Variants in PDIA4 observed in about 807,000 individuals in gnomAD.
The protein encoded by PDIA4 is protein disulfide-isomerase A4.
PDIA4 carries 33 observed loss-of-function variants against 62.1 expected under a neutral mutation model. The ratio of observed to expected loss-of-function variants is 0.53; its 90% CI spans 0.40 to 0.71. The LOEUF is 0.71. Among genes scored for constraint, PDIA4 ranks in the 30% least tolerant of loss-of-function variants. The pLI, the probability that PDIA4 is intolerant of heterozygous loss-of-function variation, is 0.00. For missense variants in PDIA4, 804 were observed against 813.6 expected (o/e 0.99, Z 0.14); for synonymous variants, 341 against 324.1 (o/e 1.05, Z -0.56).
chr7:149,008,113 T>G (rs1823822775), intron 7 of PDIA4, 46 bp downstream of exon 7: 1 of 1,587,464 alleles, frequency 6.3e-7, no homozygotes. Flanking sequence ...AGAGTCCTCA[T>G]GCCTGCGGGG....
chr7:149,026,651 C>A (rs1319510290), intron 1 of PDIA4, among the ~76,000 whole-genome samples: 1 of 151,480 alleles, frequency 6.6e-6, no homozygotes, highest in African/African-American at 2.4e-5. Flanking sequence ...AAAAAAAAAA[C>A]AGCCAGGCGT....
intron 6 of PDIA4, among the ~76,000 whole-genome samples, chr7:149,011,418 C>G (rs1168081259): frequency 6.6e-6 from 1 of 152,256 alleles, no homozygotes; most frequent in Non-Finnish European, 1.5e-5. Context: ...AGCTCTTCAT[C>G]TACATTATCT....
rs532950528 is a variant in PDIA4 at position 149,024,659 on chromosome 7, GA to G, written c.89-3513del. Among the ~76,000 whole-genome samples, 194 of 151,360 alleles carry G rather than the reference GA, an allele frequency of 1.3e-3. 1 individual carries two copies. Among genetic ancestry groups the G allele is most frequent in the Middle Eastern group, 6.8e-3 (2 of 294 alleles). On this transcript the variant is annotated intron_variant, in intron 1 of 9. Transcript: ENST00000652332. ...GAAACCCTGTCTCTACTAAAATACAGAAAAAAGTTAGCCAGGCATGGTGGCA... is the reference window on the plus strand; with the variant it reads ...GAAACCCTGTCTCTACTAAAATACAGAAAAAGTTAGCCAGGCATGGTGGCA...
At chr7:149,012,822 C>T (rs924551667) in intron 4 of PDIA4, among the ~76,000 whole-genome samples, 11 of 152,068 alleles carry the variant, frequency 7.2e-5, no homozygotes, top group African/African-American at 1.9e-4. Context: ...AAGAGAGGGT[C>T]GGCAGGTCCA....
At chr7:149,026,467 G>A (rs1267673910) in intron 1 of PDIA4, among the ~76,000 whole-genome samples, 1 of 152,118 alleles carries the variant, frequency 6.6e-6, no homozygotes, top group Admixed American at 6.5e-5. Context: ...CGGTTAACAC[G>A]GTGAAACCCC....
Position 149,011,987 on chromosome 7 carries a change from T to C in PDIA4, c.838A>G (p.Ile280Val), listed in dbSNP as rs201201125. The C allele has an allele frequency of 6.3e-7, 1 of 1,594,768 alleles. No individual in the cohort carries two copies. Among genetic ancestry groups the C allele is most frequent in the East Asian group, 2.2e-5 (1 of 44,654 alleles). The change falls in exon 6 of 10, where the codon ATC (isoleucine) becomes GTC (valine). Residue 280 changes from isoleucine (I) to valine (V), a missense_variant. Ile to Val is a conservative substitution (Grantham distance 29, BLOSUM62 3). Coordinates refer to ENST00000652332, the MANE Select transcript of PDIA4 (RefSeq NM_004911.5). ...TTGGAGGGAGGCCCGGACTGCTCGATCATGTAATCAACGATTCCTGGGAGC... is the reference window on the plus strand; with the variant it reads ...TTGGAGGGAGGCCCGGACTGCTCGACCATGTAATCAACGATTCCTGGGAGC... ...REKYGIVDYM[I>V]EQSGPPSKEI...
chr7:149,018,923 C>G (rs757528194), intron 3 of PDIA4, 69 bp downstream of exon 3: 1 of 1,186,996 alleles, frequency 8.4e-7, no homozygotes, highest in Admixed American at 1.8e-5. Context: ...GCTTTTCTTC[C>G]TCTATTAGCC....
In PDIA4 at chr7:149,025,816, G is replaced by A. The variant is rs75506315; in HGVS notation, c.88+2505C>T. Reference sequence around the variant, plus strand: ...GGAGAGTTTAACAGTTCCTTAGCACGAAAAATAGGTGAATTTCTACTTACT... The same window carrying A: ...GGAGAGTTTAACAGTTCCTTAGCACAAAAAATAGGTGAATTTCTACTTACT... On this transcript the variant is annotated intron_variant, in intron 1 of 9. Transcript: ENST00000652332. 2.0e-4 allele frequency among the ~76,000 whole-genome samples: 31 copies of A among 152,174 alleles called. 1 individual carries two copies. The East Asian group carries it at 5.8e-3, about 28-fold the overall frequency.
Position 149,005,764 on chromosome 7 carries a change from G to A in PDIA4, c.1288+133C>T, listed in dbSNP as rs534183090. 6.5e-5 allele frequency: 44 copies of A among 676,798 alleles called. No individual in the cohort carries two copies. In the South Asian group the frequency reaches 9.1e-4, roughly 14 times the overall value. The allele number at this position is 676,798 out of a possible 1,614,324, so 41.9% of individuals were successfully genotyped here. A position where few individuals can be genotyped will look rare whatever the true frequency, so the allele number is the denominator to read the frequency against. ...AAAAATATACCTGAGCCACCAACGT[G>A]CAAGGGCCCCAGGCTGGGATTTCTG... On this transcript the variant is annotated intron_variant, in intron 8 of 9. Coordinates refer to ENST00000652332, the MANE Select transcript of PDIA4 (RefSeq NM_004911.5).
Position 149,003,430 on chromosome 7 carries a change from G to A in PDIA4, c.*364C>T, listed in dbSNP as rs1585408470. ...TTCTCAGACAACGAAAAAGCAAAGA[G>A]CAAAATCAACATGATTTGGAAAAGG... On this transcript the variant is annotated 3_prime_UTR_variant, in exon 10 of 10. Transcript: ENST00000652332. The A allele has an allele frequency of 5.9e-6, 1 of 168,396 alleles. No individual in the cohort carries two copies. The highest frequency in any genetic ancestry group is 1.7e-4 in the East Asian group (1 of 6,002). The allele number at this position is 168,396 out of a possible 1,614,324, so 10.4% of individuals were successfully genotyped here.
Position 149,021,076 on chromosome 7 carries a change from C to T in PDIA4, c.160G>A (p.Asp54Asn), listed in dbSNP as rs144700814. Reference sequence around the variant, plus strand: ...TTTTCTTCCTTAACTTCCAAGTCGTCTTCTTCCTCATCATCATCTTCCTCC... The same window carrying T: ...TTTTCTTCCTTAACTTCCAAGTCGTTTTCTTCCTCATCATCATCTTCCTCC... ...EEEEDDDEEE[D>N]DLEVKEENGV... The change falls in exon 2 of 10, where the codon GAC becomes AAC. Residue 54 changes from aspartate to asparagine, a missense_variant. Physicochemically the swap from Asp to Asn is conservative, Grantham distance 23. Transcript: ENST00000652332. The T allele has an allele frequency of 6.2e-7, 1 of 1,613,878 alleles. No homozygotes were observed. Among genetic ancestry groups the T allele is most frequent in the African/African-American group, 1.3e-5 (1 of 75,034 alleles).
At chr7:149,004,410 C>G (rs116538940) in intron 9 of PDIA4, among the ~76,000 whole-genome samples, 76 of 152,340 alleles carry the variant, frequency 5.0e-4, no homozygotes, top group African/African-American at 1.7e-3. Flanking sequence ...GCAGGTGGCT[C>G]CAGCCCAGAC....
rs1454700384 is a variant in PDIA4, at chr7:149,028,428, G to C, written c.-20C>G. ...CCTCATGGTAGCGGGGGCGGAGCGC[G>C]GCCTCCTAGCGTCGGCGGCCGCTGA... is the stretch of plus-strand genomic sequence containing the variant. On this transcript the variant is annotated 5_prime_UTR_variant, in exon 1 of 10. Transcript: ENST00000652332. 2.0e-6 allele frequency: 3 copies of C among 1,464,652 alleles called. No homozygotes were observed. Among genetic ancestry groups the C allele is most frequent in the African/African-American group, 1.5e-5 (1 of 67,716 alleles). The allele number at this position is 1,464,652 out of a possible 1,614,324, so 90.7% of individuals were successfully genotyped here.
rs182291851 is a variant in PDIA4 at position 149,020,957 on chromosome 7, C to T, written c.269+10G>A. On this transcript the variant is annotated intron_variant, in intron 2 of 9. Coordinates refer to ENST00000652332, the MANE Select transcript of PDIA4 (RefSeq NM_004911.5). ...TTGTCCACCTGCAGAAATTAGAACG[C>T]GGTCCTTACCATGGAGCATAAAACT... The T allele has an allele frequency of 7.8e-5, 126 of 1,612,970 alleles. 1 individual carries two copies. The East Asian group carries it at 2.3e-3, about 29-fold the overall frequency.
intron 1 of PDIA4, among the ~76,000 whole-genome samples, chr7:149,026,712 T>C (rs1247557066): frequency 6.7e-6 from 1 of 149,482 alleles, no homozygotes; most frequent in Non-Finnish European, 1.5e-5. Context: ...GGCAGGAGGA[T>C]CCCATGAGCC....
chr7:149,024,445 A>G (rs1199652501), intron 1 of PDIA4, among the ~76,000 whole-genome samples: 1 of 152,078 alleles, frequency 6.6e-6, no homozygotes, highest in African/African-American at 2.4e-5. Flanking sequence ...CCTGCAAGCA[A>G]AACAGTCCAC....
Position 149,025,911 on chromosome 7 carries a change from G to GAAGGAAA in PDIA4, c.88+2409_88+2410insTTTCCTT, listed in dbSNP as rs1824534037. 5.3e-5 allele frequency among the ~76,000 whole-genome samples: 8 copies of GAAGGAAA among 152,282 alleles called. No homozygotes were observed. In the South Asian group the frequency reaches 1.5e-3, roughly 28 times the overall value. On this transcript the variant is annotated intron_variant, in intron 1 of 9. Transcript: ENST00000652332. ...CAGGATCAGAATATTTTCCTTTCCT[G>GAAGGAAA]TTTTAGCATGAAGGATGTGTAGAGT...
At chr7:149,012,682 A>G (rs1413717414) in intron 4 of PDIA4, among the ~76,000 whole-genome samples, 1 of 152,174 alleles carries the variant, frequency 6.6e-6, no homozygotes, top group African/African-American at 2.4e-5. Context: ...GAGCAAGAGG[A>G]CTTTCTTGGT....
chr7:149,003,689 A>AT lies in PDIA4; in HGVS notation c.*104_*105insA. On this transcript the variant is annotated 3_prime_UTR_variant, in exon 10 of 10. Coordinates refer to ENST00000652332, the MANE Select transcript of PDIA4 (RefSeq NM_004911.5). ...TATAAAAAATTAAAAAAAAAAAAAA[A>AT]GGAATCCGAGATACTGTCGTTTGTT... 2.8e-6 allele frequency: 2 copies of AT among 709,682 alleles called. No individual in the cohort carries two copies. Among genetic ancestry groups the AT allele is most frequent in the Non-Finnish European group, 2.1e-6 (1 of 471,178 alleles). The allele number at this position is 709,682 out of a possible 1,614,324, so 44.0% of individuals were successfully genotyped here.
Sources: gnomAD v4.1 joint callset for allele counts (sites outside exome capture counted in the v4.1 genomes callset) on GRCh38, gnomAD v4.1.1 for gene constraint, MANE v1.5 for transcripts, NCBI Gene and HGNC (gene_info 2026-07-23, HGNC 2026-07-21) for gene names.